The following IZUMO1 variants were observed in gnomAD, a reference collection of about 807,000 sequenced individuals.
IZUMO1 encodes the protein izumo sperm-oocyte fusion 1, also known as izumo sperm-egg fusion protein 1.
Under a neutral mutation model 40.7 loss-of-function variants are expected in IZUMO1, and 44 were observed. The ratio of observed to expected loss-of-function variants is 1.08; its 90% confidence interval spans 0.85 to 1.39. IZUMO1 has a LOEUF of 1.39. IZUMO1 is among the 40% of genes most tolerant of loss of function. The pLI is 0.00. For synonymous variants in IZUMO1, 149 were observed against 170.9 expected (o/e 0.87, Z 1.00); for missense variants, 368 against 436.9 (o/e 0.84, Z 1.41).
At chr19:48,742,335 C>T (rs1321025946) in intron 6 of IZUMO1, 26 bp from the exon 7 acceptor site, 10 of 1,507,054 alleles carry the variant, frequency 6.6e-6, no homozygotes, top group East Asian at 2.3e-5. Flanking sequence ...GACCATGGGA[C>T]ACTCATGATT....
rs2033866851 is a variant in IZUMO1 at position 48,745,751 on chromosome 19, C to T, written c.109G>A (p.Glu37Lys). 6.2e-7 allele frequency: 1 copy of T among 1,614,226 alleles called. No homozygotes were observed. The highest frequency in any genetic ancestry group is 8.5e-7 in the Non-Finnish European group (1 of 1,180,044). ...AGGTGGCCAGGCAGGTAATCTTTCTCCAGGGACTTTAGCGCCAGCACGACA... is the reference window on the plus strand; with the variant it reads ...AGGTGGCCAGGCAGGTAATCTTTCTTCAGGGACTTTAGCGCCAGCACGACA... The part of the protein sequence containing the change: ...PSVVLALKSL[E>K]KDYLPGHLDA... Residue 37 changes from glutamate to lysine, a missense_variant, in exon 2 of 10, where the codon GAG becomes AAG. Coordinates refer to ENST00000332955, the MANE Select transcript of IZUMO1 (RefSeq NM_182575.3).
chr19:48,742,225 T>A lies in IZUMO1; in HGVS notation c.584A>T (p.Asp195Val). 1 of 1,613,496 alleles carries A rather than the reference T, an allele frequency of 6.2e-7. No individual in the cohort carries two copies. The highest frequency in any genetic ancestry group is 8.5e-7 in the Non-Finnish European group (1 of 1,179,422). The change falls in exon 7 of 10, where the codon GAT becomes GTT. Residue 195 changes from aspartate (D) to valine (V), a missense_variant. By Grantham distance (152) the Asp-to-Val change is radical. Transcript: ENST00000332955. ...GGCCCTCACCCTGTAAAAGCTGTAATCAGTGAGGCCTTCCGAAGCCTGATG... is the reference window on the plus strand; with the variant it reads ...GGCCCTCACCCTGTAAAAGCTGTAAACAGTGAGGCCTTCCGAAGCCTGATG... The part of the protein sequence containing the change: ...NWHQASEGLT[D>V]YSFYRVWGNN...
chr19:48,745,164 C>T (rs1271252993), intron 3 of IZUMO1, 50 bp downstream of exon 3: 1 of 1,483,960 alleles, frequency 6.7e-7, no homozygotes, highest in Admixed American at 1.7e-5. Context: ...GCATCACTAA[C>T]GCTGGCTTCT....
At position 48,740,853 on chromosome 19, in the gene IZUMO1, A is replaced by G; in HGVS notation, c.*55T>C. 2 of 1,610,950 alleles carry G rather than the reference A, an allele frequency of 1.2e-6. No homozygotes were observed. The highest frequency in any genetic ancestry group is 1.7e-6 in the Non-Finnish European group (2 of 1,178,248). On this transcript the variant is annotated 3_prime_UTR_variant, in exon 10 of 10. Coordinates refer to ENST00000332955, the MANE Select transcript of IZUMO1 (RefSeq NM_182575.3). This position sits in a 1 kb window ranked among gnomAD's most constrained non-coding sequence, Gnocchi z 5.5. Reference sequence around the variant, plus strand: ...CTCTCCTCTCGGGGAACCAAAGGCTAGAATCAGTCCCGTCCCGGGGAGTGA... The same window carrying G: ...CTCTCCTCTCGGGGAACCAAAGGCTGGAATCAGTCCCGTCCCGGGGAGTGA...
Position 48,741,625 on chromosome 19 carries a change from C to A in IZUMO1, c.755-147G>T. ...TGAACACACCCAAGGGAACCCCTGT[C>A]CTCGGGGCCAGAGGCCACGCCCCCG... On this transcript the variant is annotated intron_variant, in intron 8 of 9. Transcript: ENST00000332955. This position sits in a 1 kb window ranked among gnomAD's most constrained non-coding sequence, Gnocchi z 4.4. 8.0e-7 allele frequency: 1 copy of A among 1,253,830 alleles called. No individual in the cohort carries two copies. The highest frequency in any genetic ancestry group is 1.1e-6 in the Non-Finnish European group (1 of 916,486). 77.7% of individuals were successfully genotyped at this position (1,253,830 alleles called of 1,614,324 possible). A position where few individuals can be genotyped will look rare whatever the true frequency, so the allele number is the denominator to read the frequency against.
At chr19:48,742,582 A>T (rs1418811970) in intron 6 of IZUMO1, among the ~76,000 whole-genome samples, 1 of 151,848 alleles carries the variant, frequency 6.6e-6, no homozygotes, top group Non-Finnish European at 1.5e-5. Context: ...TCCTGACCTC[A>T]GGTGATCTGC....
chr19:48,742,806 C>T (rs542204406), intron 6 of IZUMO1, among the ~76,000 whole-genome samples: 1 of 140,558 alleles, frequency 7.1e-6, no homozygotes, highest in African/African-American at 2.6e-5. Context: ...TATCTCACTA[C>T]AACCTTCGCC....
At position 48,741,545 on chromosome 19, in the gene IZUMO1, C is replaced by A; in HGVS notation, c.755-67G>T. The A allele has an allele frequency of 6.6e-7, 1 of 1,511,288 alleles. No individual in the cohort carries two copies. Among genetic ancestry groups the A allele is most frequent in the Middle Eastern group, 2.2e-4 (1 of 4,472 alleles). The allele number at this position is 1,511,288 out of a possible 1,614,324, so 93.6% of individuals were successfully genotyped here. ...AGTTCCTGCCCTGGCAAAGACAAGC[C>A]CGTCCCAGTAGCCGGCCATCCCAGA... On this transcript the variant is annotated intron_variant, in intron 8 of 9. Transcript: ENST00000332955. The surrounding 1 kb of genome is among the most constrained non-coding windows in gnomAD (Gnocchi z 4.4).
In IZUMO1 at chr19:48,745,735, G is replaced by C. The variant is rs867221375; in HGVS notation, c.125C>G (p.Pro42Arg). Residue 42 changes from proline (P) to arginine (R), a missense_variant, in exon 2 of 10, where the codon CCT becomes CGT. Pro to Arg is a moderately radical substitution (Grantham distance 103). Transcript: ENST00000332955. ...ALKSLEKDYL[P>R]GHLDAKHHKA... ...GTGATGCTTCGCATCCAGGTGGCCA[G>C]GCAGGTAATCTTTCTCCAGGGACTT... 1.4e-5 allele frequency: 22 copies of C among 1,614,106 alleles called. No homozygotes were observed. Among genetic ancestry groups the C allele is most frequent in the Non-Finnish European group, 1.7e-5 (20 of 1,180,054 alleles).
rs1256258834 is a variant in IZUMO1 at position 48,746,896 on chromosome 19, T to C, written c.-535A>G. The stretch of plus-strand genomic sequence containing the variant: ...CTTCTCACGTAGGGGCCCGAATTCC[T>C]TTATAGATATTCCTTGGGGTTTTCC... On this transcript the variant is annotated 5_prime_UTR_variant, in exon 1 of 10. Coordinates refer to ENST00000332955, the MANE Select transcript of IZUMO1 (RefSeq NM_182575.3). The C allele has an allele frequency of 1.0e-6, 1 of 985,244 alleles. No individual in the cohort carries two copies. Among genetic ancestry groups the C allele is most frequent in the Admixed American group, 6.2e-5 (1 of 16,258 alleles). 61.0% of individuals were successfully genotyped at this position (985,244 alleles called of 1,614,324 possible). A position where few individuals can be genotyped will look rare whatever the true frequency, so the allele number is the denominator to read the frequency against.
Position 48,745,711 on chromosome 19 carries a change from T to C in IZUMO1, c.149A>G (p.His50Arg). ...CTCTACCCTTTCCATCATGGCTTTGTGATGCTTCGCATCCAGGTGGCCAGG... is the reference window on the plus strand; with the variant it reads ...CTCTACCCTTTCCATCATGGCTTTGCGATGCTTCGCATCCAGGTGGCCAGG... ...YLPGHLDAKH[H>R]KAMMERVENA... is the part of the protein sequence containing the mutation. The change falls in exon 2 of 10, where the codon CAC (histidine) becomes CGC (arginine). Residue 50 changes from histidine (H) to arginine (R), a missense_variant. Coordinates refer to ENST00000332955, the MANE Select transcript of IZUMO1 (RefSeq NM_182575.3). The C allele has an allele frequency of 6.2e-7, 1 of 1,614,238 alleles. No individual in the cohort carries two copies. The highest frequency in any genetic ancestry group is 8.5e-7 in the Non-Finnish European group (1 of 1,180,048).
At position 48,741,582 on chromosome 19, in the gene IZUMO1, C is replaced by T. The variant is rs2033692545; in HGVS notation, c.755-104G>A. Reference sequence around the variant, plus strand: ...CCGGCCATCCCAGAGATAATCACGCCTTCAACAGTGTCAAGCCTGAACACA... The same window carrying T: ...CCGGCCATCCCAGAGATAATCACGCTTTCAACAGTGTCAAGCCTGAACACA... On this transcript the variant is annotated intron_variant, in intron 8 of 9. Coordinates refer to ENST00000332955, the MANE Select transcript of IZUMO1 (RefSeq NM_182575.3). This position sits in a 1 kb window ranked among gnomAD's most constrained non-coding sequence, Gnocchi z 4.4. 7.3e-7 allele frequency: 1 copy of T among 1,368,430 alleles called. No homozygotes were observed. The highest frequency in any genetic ancestry group is 1.4e-5 in the African/African-American group (1 of 69,634). The allele number at this position is 1,368,430 out of a possible 1,614,324, so 84.8% of individuals were successfully genotyped here.
At chr19:48,746,096 G>T (rs145495537) in intron 1 of IZUMO1, 164 bp from the exon 2 acceptor site, 21 of 1,378,472 alleles carry the variant, frequency 1.5e-5, no homozygotes, top group Admixed American at 6.1e-5. Context: ...CCCAATCCAG[G>T]GGACCCAAAA....
In IZUMO1 at chr19:48,741,029, C is replaced by T. The variant is rs1269095337; in HGVS notation, c.933-1G>A. On this transcript the variant is annotated splice_acceptor_variant, in intron 9 of 9. Coordinates refer to ENST00000332955, the MANE Select transcript of IZUMO1 (RefSeq NM_182575.3). LOFTEE classifies it high-confidence loss of function. The surrounding 1 kb of genome is among the most constrained non-coding windows in gnomAD (Gnocchi z 4.4). ...GATCACCTTCCTTCGACGAAATATC[C>T]TAGGGGTGGGAGTGGGGTGCAGATC... 6.2e-7 allele frequency: 1 copy of T among 1,613,806 alleles called. No homozygotes were observed. Among genetic ancestry groups the T allele is most frequent in the South Asian group, 1.1e-5 (1 of 91,058 alleles).
intron 2 of IZUMO1, 117 bp from the exon 3 acceptor site, chr19:48,745,405 A>G (rs2122530682): frequency 5.6e-6 from 6 of 1,076,152 alleles, no homozygotes; most frequent in East Asian, 2.4e-5. Context: ...TTAAGGACTC[A>G]GCCGCCCGTT....
At chr19:48,746,335 C>T in intron 1 of IZUMO1, 100 bp downstream of exon 1, 1 of 1,009,550 alleles carries the variant, frequency 9.9e-7, no homozygotes, top group Non-Finnish European at 1.2e-6. Flanking sequence ...ACCTGTTGAA[C>T]CTCAAGCTGA....
chr19:48,744,037 G>A (rs1247863293), intron 5 of IZUMO1, 138 bp downstream of exon 5: 1 of 755,212 alleles, frequency 1.3e-6, no homozygotes, highest in Non-Finnish European at 2.3e-6. Context: ...AGAAATCCAT[G>A]GTGCAGAAAG....
Position 48,745,647 on chromosome 19 carries a change from C to T in IZUMO1, c.213G>A (p.Glu71=). ...VKDFQELSLN[E]DAYMGVVDEA... The stretch of plus-strand genomic sequence containing the variant: ...CACCAACGACCCCCATATAGGCATC[C>T]TCATTAAGCGACAGTTCCTGGAAAT... The change falls in exon 2 of 10, where the codon GAG becomes GAA. Residue 71 remains glutamate (E), a synonymous_variant. Transcript: ENST00000332955. The T allele has an allele frequency of 1.2e-6, 2 of 1,614,168 alleles. No homozygotes were observed. Among genetic ancestry groups the T allele is most frequent in the Non-Finnish European group, 1.7e-6 (2 of 1,180,026 alleles).
chr19:48,743,292 C>G lies in IZUMO1; in HGVS notation c.499+153G>C. On this transcript the variant is annotated intron_variant, in intron 6 of 9. Coordinates refer to ENST00000332955, the MANE Select transcript of IZUMO1 (RefSeq NM_182575.3). ...CCTCCCGTCTCAGCCTCTCGAAGTGCGAGACTATAGGTGTGAACCACTGCA... is the reference window on the plus strand; with the variant it reads ...CCTCCCGTCTCAGCCTCTCGAAGTGGGAGACTATAGGTGTGAACCACTGCA... 7.5e-6 allele frequency: 5 copies of G among 662,690 alleles called. No individual in the cohort carries two copies. In the South Asian group the frequency reaches 9.4e-5, roughly 12 times the overall value. 41.1% of individuals were successfully genotyped at this position (662,690 alleles called of 1,614,324 possible).
Sources: gnomAD v4.1 joint callset for allele counts (sites outside exome capture counted in the v4.1 genomes callset) on GRCh38, gnomAD v4.1.1 for gene constraint, Gnocchi (gnomAD v3.1) non-coding constraint, MANE v1.5 for transcripts, NCBI Gene and HGNC (gene_info 2026-07-23, HGNC 2026-07-21) for gene names.